Variants in ZNF561 observed in about 807,000 individuals in gnomAD.
ZNF561 encodes the protein zinc finger protein 561.
In ZNF561, 16 loss-of-function variants were observed where a neutral mutation model predicts 16.7. The observed-to-expected ratio is 0.96, with a 90% CI of 0.65 to 1.45. The LOEUF (loss-of-function observed/expected upper bound fraction) is 1.45. Ranked by LOEUF, ZNF561 falls within the 40% of genes most tolerant of loss-of-function variation. The pLI is 0.00. For synonymous variants in ZNF561, 190 were observed against 192.1 expected (o/e 0.99, Z 0.09); for missense variants, 580 against 578.0 (o/e 1.00, Z -0.04).
At chr19:9,617,209 C>T (rs1413909816) in intron 3 of ZNF561, 38 bp from the exon 4 acceptor site, 2 of 1,598,280 alleles carry the variant, frequency 1.3e-6, no homozygotes, top group Non-Finnish European at 8.5e-7. Context: ...AGCCAATGAA[C>T]ACTTCCACCA....
At chr19:9,620,396 T>C (rs2074649366) in intron 1 of ZNF561, among the ~76,000 whole-genome samples, 2 of 152,180 alleles carry the variant, frequency 1.3e-5, no homozygotes, top group South Asian at 4.1e-4. Context: ...GGCTAATTTT[T>C]TGTAGTTTTA....
chr19:9,611,446 T>G, intron 5 of ZNF561, 110 bp from the exon 6 acceptor site: 1 of 1,162,790 alleles, frequency 8.6e-7, no homozygotes, highest in Non-Finnish European at 1.2e-6. Flanking sequence ...CTTTTTAATA[T>G]TTAATTTTTT....
At position 9,619,975 on chromosome 19, in the gene ZNF561, T is replaced by A. The variant is rs951744014; in HGVS notation, c.-126-393A>T. Among the ~76,000 whole-genome samples the A allele has an allele frequency of 4.2e-5, 6 of 144,160 alleles. No individual in the cohort carries two copies. In the East Asian group the frequency reaches 1.2e-3, roughly 28 times the overall value. The allele number at this position is 144,160 out of a possible 152,430, so 94.6% of individuals were successfully genotyped here. Reference sequence around the variant, plus strand: ...ACAGGGTCTCACTCTGTTGCCCAGGTTGAAATCCAATGGCACTAACACAAC... The same window carrying A: ...ACAGGGTCTCACTCTGTTGCCCAGGATGAAATCCAATGGCACTAACACAAC... On this transcript the variant is annotated intron_variant, in intron 1 of 5. Transcript: ENST00000302851.
At chr19:9,618,273 C>A in intron 2 of ZNF561, 94 bp from the exon 3 acceptor site, 1 of 1,214,046 alleles carries the variant, frequency 8.2e-7, no homozygotes. Context: ...CTTGAAATTC[C>A]GATATGCTCC....
At position 9,609,532 on chromosome 19, in the gene ZNF561, T is replaced by A. The variant is rs867807413; in HGVS notation, c.*668A>T. On this transcript the variant is annotated 3_prime_UTR_variant, in exon 6 of 6. Coordinates refer to ENST00000302851, the MANE Select transcript of ZNF561 (RefSeq NM_152289.3). The stretch of plus-strand genomic sequence containing the variant: ...AAAGTGTGGCTGAACGATCATCTGA[T>A]AAAGAGATCATGAGTGGGATTCATG... 2 of 152,190 alleles carry A rather than the reference T, an allele frequency of 1.3e-5. No homozygotes were observed. The highest frequency in any genetic ancestry group is 4.8e-5 in the African/African-American group (2 of 41,458). 9.4% of individuals were successfully genotyped at this position (152,190 alleles called of 1,614,324 possible). A position where few individuals can be genotyped will look rare whatever the true frequency, so the allele number is the denominator to read the frequency against.
chr19:9,611,306 C>T lies in ZNF561; in HGVS notation c.355G>A (p.Asp119Asn). The change falls in exon 6 of 6, where the codon GAC becomes AAC. Residue 119 changes from aspartate to asparagine, a missense_variant. By Grantham distance (23) the Asp-to-Asn change is conservative. Coordinates refer to ENST00000302851, the MANE Select transcript of ZNF561 (RefSeq NM_152289.3). ...AAGACCTCTCCACAATTCTTACAGT[C>T]ACAGAGTTTCCATCCACTGTAGCCT... The part of the protein sequence containing the change: ...TRGYSGWKLC[D>N]CKNCGEVFRE... The T allele has an allele frequency of 6.2e-7, 1 of 1,612,784 alleles. No homozygotes were observed. The highest frequency in any genetic ancestry group is 8.5e-7 in the Non-Finnish European group (1 of 1,178,846).
In ZNF561 at chr19:9,610,904, T is replaced by C. The variant is rs548498874; in HGVS notation, c.757A>G (p.Lys253Glu). The change falls in exon 6 of 6, where the codon AAA becomes GAA. Residue 253 changes from lysine to glutamate, a missense_variant. Transcript: ENST00000302851. ...GATTTCCCACATTTCTTAGTCTTTT[T>C]GGATTTCTTTCCTGTATGAACTGCT... ...CVAVHTGKKS[K>E]KTKKCGKSFT... 5.0e-6 allele frequency: 8 copies of C among 1,614,208 alleles called. No individual in the cohort carries two copies. In the African/African-American group the frequency reaches 5.3e-5, roughly 11 times the overall value.
At chr19:9,618,552 C>G (rs934383273) in intron 2 of ZNF561, among the ~76,000 whole-genome samples, 1 of 151,736 alleles carries the variant, frequency 6.6e-6, no homozygotes, top group Non-Finnish European at 1.5e-5. Context: ...CGGTGAAACC[C>G]CATCTCTACT....
At chr19:9,616,970 T>C in intron 4 of ZNF561, 75 bp downstream of exon 4, 1 of 1,504,316 alleles carries the variant, frequency 6.6e-7, no homozygotes, top group Non-Finnish European at 9.0e-7. Context: ...CCAGCGATTC[T>C]CCCACCTCAG....
rs191641215 is a variant in ZNF561 at position 9,609,538 on chromosome 19, G to A, written c.*662C>T. 2.0e-5 allele frequency: 3 copies of A among 152,358 alleles called. No homozygotes were observed. Among genetic ancestry groups the A allele is most frequent in the East Asian group, 3.9e-4 (2 of 5,180 alleles). 9.4% of individuals were successfully genotyped at this position (152,358 alleles called of 1,614,324 possible). Reference sequence around the variant, plus strand: ...TGGCTGAACGATCATCTGATAAAGAGATCATGAGTGGGATTCATGGACTAT... The same window carrying A: ...TGGCTGAACGATCATCTGATAAAGAAATCATGAGTGGGATTCATGGACTAT... On this transcript the variant is annotated 3_prime_UTR_variant, in exon 6 of 6. Coordinates refer to ENST00000302851, the MANE Select transcript of ZNF561 (RefSeq NM_152289.3).
At chr19:9,614,857 G>A (rs77272893) in intron 4 of ZNF561, among the ~76,000 whole-genome samples, 1 of 93,726 alleles carries the variant, frequency 1.1e-5, no homozygotes, top group Non-Finnish European at 2.2e-5. Flanking sequence ...TTTTTTTTTT[G>A]AGATGAAGTG....
chr19:9,614,199 TA>T, intron 4 of ZNF561, 96 bp from the exon 5 acceptor site: 1 of 1,477,150 alleles, frequency 6.8e-7, no homozygotes, highest in Non-Finnish European at 9.3e-7. Context: ...AACACAGCAA[TA>T]AAATAAAAGC....
chr19:9,613,805 C>T (rs1056396013), intron 5 of ZNF561, among the ~76,000 whole-genome samples: 3 of 152,156 alleles, frequency 2.0e-5, no homozygotes, highest in Non-Finnish European at 4.4e-5. Flanking sequence ...GTGTGAGTCA[C>T]CACATTCACC....
intron 4 of ZNF561, among the ~76,000 whole-genome samples, chr19:9,616,578 G>A (rs772721120): frequency 1.1e-4 from 16 of 151,684 alleles, no homozygotes; most frequent in Non-Finnish European, 2.2e-4. Flanking sequence ...ACCACAACCG[G>A]CCTAGTCTTC....
At chr19:9,613,891 C>T in intron 5 of ZNF561, 130 bp downstream of exon 5, 1 of 1,087,640 alleles carries the variant, frequency 9.2e-7, no homozygotes, top group Admixed American at 2.2e-5. Context: ...AAATGAGACC[C>T]CCACTTCAGC....
At chr19:9,617,802 T>C (rs181863425) in intron 3 of ZNF561, 2 of 488,660 alleles carry the variant, frequency 4.1e-6, no homozygotes, top group Non-Finnish European at 8.1e-6. Flanking sequence ...AAGGACACTT[T>C]CATCTGCTTT....
At chr19:9,616,882 C>T in intron 4 of ZNF561, 163 bp downstream of exon 4, 4 of 948,328 alleles carry the variant, frequency 4.2e-6, no homozygotes, top group Non-Finnish European at 5.9e-6. Context: ...GCATGAGCCA[C>T]TGCGCCCGGC....
At chr19:9,618,058 AT>A (rs1251104612) in intron 3 of ZNF561, 32 bp downstream of exon 3, 6 of 1,532,278 alleles carry the variant, frequency 3.9e-6, no homozygotes, top group Non-Finnish European at 5.3e-6. Context: ...ATGAAAGCAT[AT>A]CATTTTTAAC....
chr19:9,614,230 T>C lies in ZNF561; in HGVS notation c.242-127A>G, dbSNP rs1053146118. On this transcript the variant is annotated intron_variant, in intron 4 of 5. Transcript: ENST00000302851. ...AAAAGCCAGAGAACCTTGAGGATTT[T>C]GGTACATCAAAAATTTGGCTATAAT... 1.2e-5 allele frequency: 14 copies of C among 1,207,072 alleles called. No homozygotes were observed. The East Asian group carries it at 3.2e-4, about 28-fold the overall frequency. 74.8% of individuals were successfully genotyped at this position (1,207,072 alleles called of 1,614,324 possible).
Sources: allele counts gnomAD v4.1 joint callset (sites outside exome capture counted in the v4.1 genomes callset), GRCh38; gene constraint gnomAD v4.1.1; transcripts MANE v1.5; gene names NCBI Gene and HGNC (gene_info 2026-07-23, HGNC 2026-07-21).